Variants in MALSU1 observed in about 807,000 individuals in gnomAD.
MALSU1 encodes the protein mitochondrial assembly of ribosomal large subunit protein 1.
MALSU1 carries 22 observed loss-of-function variants against 22.1 expected under a neutral mutation model. That is an observed-to-expected ratio of 1.00 (90% CI 0.71 to 1.42). The LOEUF (loss-of-function observed/expected upper bound fraction) is 1.42, where lower values mean the gene tolerates loss of function less well. Among genes scored for constraint, MALSU1 ranks in the 40% most tolerant of loss-of-function variants. MALSU1 has a pLI of 0.00. For synonymous variants in MALSU1, 153 were observed against 118.5 expected, an observed-to-expected ratio of 1.29 and a Z score of -1.89; for missense variants, 379 against 308.3, an observed-to-expected ratio of 1.23 and a Z score of -1.72.
intron 2 of MALSU1, 193 bp downstream of exon 2, chr7:23,301,210 T>C (rs1783640451): frequency 7.5e-6 from 4 of 534,586 alleles, no homozygotes; most frequent in Non-Finnish European, 1.3e-5. Flanking sequence ...TCCAGCCCTA[T>C]TGAGTTAGGA....
Position 23,310,023 on chromosome 7 carries a change from A to G in MALSU1, c.*480A>G, listed in dbSNP as rs1320982505. ...ACTCCAGTAACACAAGAAAGTAAAC[A>G]AAGTGTTTGTTAGGAAAAACTCTGA... On this transcript the variant is annotated 3_prime_UTR_variant, in exon 4 of 4. Coordinates refer to ENST00000466681, the MANE Select transcript of MALSU1 (RefSeq NM_138446.2). 1 of 147,690 alleles carries G rather than the reference A, an allele frequency of 6.8e-6. No homozygotes were observed. Among genetic ancestry groups the G allele is most frequent in the Non-Finnish European group, 1.5e-5 (1 of 68,002 alleles). 9.1% of individuals were successfully genotyped at this position (147,690 alleles called of 1,614,324 possible).
In MALSU1 at chr7:23,310,789, ATTT is replaced by A. The variant is rs150344233; in HGVS notation, c.*1254_*1256del. 6.6e-6 allele frequency: 1 copy of A among 150,760 alleles called. No homozygotes were observed. The highest frequency in any genetic ancestry group is 1.9e-4 in the East Asian group (1 of 5,142). The allele number at this position is 150,760 out of a possible 1,614,324, so 9.3% of individuals were successfully genotyped here. A position where few individuals can be genotyped will look rare whatever the true frequency, so the allele number is the denominator to read the frequency against. On this transcript the variant is annotated 3_prime_UTR_variant, in exon 4 of 4. Coordinates refer to ENST00000466681, the MANE Select transcript of MALSU1 (RefSeq NM_138446.2). ...ATCTTGAAATAAGAATGAGGCAGTG[ATTT>A]TTTTTTTAAAGGGTTATATATATGT...
intron 3 of MALSU1, among the ~76,000 whole-genome samples, chr7:23,308,993 T>TACAA (rs984855522): frequency 2.0e-5 from 3 of 152,208 alleles, no homozygotes; most frequent in African/African-American, 4.8e-5. Context: ...ATATTCACGA[T>TACAA]ACAAACATTC....
At chr7:23,308,197 GGTGT>G (rs1287986974) in intron 3 of MALSU1, among the ~76,000 whole-genome samples, 1 of 152,154 alleles carries the variant, frequency 6.6e-6, no homozygotes, top group Non-Finnish European at 1.5e-5. Flanking sequence ...TATACTACAT[GGTGT>G]GTATCTACTA....
In MALSU1 at chr7:23,299,507, G is replaced by T; in HGVS notation, c.155G>T (p.Cys52Phe). The T allele has an allele frequency of 6.2e-7, 1 of 1,612,424 alleles. No homozygotes were observed. Among genetic ancestry groups the T allele is most frequent in the Middle Eastern group, 1.7e-4 (1 of 6,060 alleles). The change falls in exon 1 of 4, where the codon TGC becomes TTC. Residue 52 changes from cysteine to phenylalanine, a missense_variant. Coordinates refer to ENST00000466681, the MANE Select transcript of MALSU1 (RefSeq NM_138446.2). ...GTAGGAGCAGCGTTCTGCCGGGCTT[G>T]CCAGACCCCAAACTTTGTCCGCGGC... ...LPVGAAFCRACQTPNFVRGLH... is the reference protein window; with the variant it reads ...LPVGAAFCRAFQTPNFVRGLH...
intron 1 of MALSU1, among the ~76,000 whole-genome samples, chr7:23,300,544 TTAAGTA>T (rs1389877173): frequency 6.6e-6 from 1 of 152,198 alleles, no homozygotes; most frequent in African/African-American, 2.4e-5. Flanking sequence ...ATTGCTCCTT[TTAAGTA>T]TTAGTAGAAA....
chr7:23,308,001 T>G, intron 3 of MALSU1, 52 bp downstream of exon 3: 2 of 1,283,590 alleles, frequency 1.6e-6, no homozygotes, highest in Admixed American at 1.7e-5. Flanking sequence ...ACGCTAATCT[T>G]GAATTGTTTT....
At chr7:23,301,842 G>T (rs1342130217) in intron 2 of MALSU1, among the ~76,000 whole-genome samples, 1 of 151,966 alleles carries the variant, frequency 6.6e-6, no homozygotes, top group Non-Finnish European at 1.5e-5. Context: ...GGTGGCGTGT[G>T]CCTGTAATTC....
chr7:23,299,827 C>T (rs1783617816), intron 1 of MALSU1, among the ~76,000 whole-genome samples: 1 of 152,146 alleles, frequency 6.6e-6, no homozygotes, highest in South Asian at 2.1e-4. Context: ...GAATCCCAGC[C>T]TCCCGGACGG....
intron 2 of MALSU1, chr7:23,301,248 G>A (rs947555494): frequency 8.0e-6 from 3 of 375,972 alleles, no homozygotes; most frequent in Non-Finnish European, 1.4e-5. Context: ...TCTTGTGACC[G>A]CAAGGAAGAT....
intron 2 of MALSU1, among the ~76,000 whole-genome samples, chr7:23,301,423 G>C (rs528423756): frequency 6.6e-6 from 1 of 152,246 alleles, no homozygotes; most frequent in African/African-American, 2.4e-5. Context: ...ACCAGGCCCA[G>C]ATAATTTTGT....
rs1280703790 is a variant in MALSU1 at position 23,309,758 on chromosome 7, G to A, written c.*215G>A. On this transcript the variant is annotated 3_prime_UTR_variant, in exon 4 of 4. Coordinates refer to ENST00000466681, the MANE Select transcript of MALSU1 (RefSeq NM_138446.2). Reference sequence around the variant, plus strand: ...ACATTCTACCCAAAACTTATGACACGCTGCCTTTATCCTGGAAATGTCATC... The same window carrying A: ...ACATTCTACCCAAAACTTATGACACACTGCCTTTATCCTGGAAATGTCATC... The A allele has an allele frequency of 6.2e-6, 2 of 323,714 alleles. No individual in the cohort carries two copies. The highest frequency in any genetic ancestry group is 2.1e-5 in the African/African-American group (1 of 46,770). 20.1% of individuals were successfully genotyped at this position (323,714 alleles called of 1,614,324 possible).
At chr7:23,308,720 T>C (rs957788615) in intron 3 of MALSU1, among the ~76,000 whole-genome samples, 1 of 152,146 alleles carries the variant, frequency 6.6e-6, no homozygotes, top group East Asian at 1.9e-4. Context: ...GTGTCTAGGT[T>C]TTTTATAACT....
In MALSU1 at chr7:23,299,340, C is replaced by A. The variant is rs765961874; in HGVS notation, c.-13C>A. On this transcript the variant is annotated 5_prime_UTR_variant, in exon 1 of 4. Coordinates refer to ENST00000466681, the MANE Select transcript of MALSU1 (RefSeq NM_138446.2). ...GTACCACCCACCCGCGACGCCGACG[C>A]AAGGCTGCTGCTATGGGGCCGGGCG... 5.0e-5 allele frequency: 77 copies of A among 1,546,618 alleles called. No homozygotes were observed. The highest frequency in any genetic ancestry group is 6.4e-5 in the Non-Finnish European group (74 of 1,153,184).
In MALSU1 at chr7:23,300,998, C is replaced by G; in HGVS notation, c.416C>G (p.Ala139Gly). The G allele has an allele frequency of 6.2e-7, 1 of 1,613,120 alleles. No individual in the cohort carries two copies. Among genetic ancestry groups the G allele is most frequent in the Non-Finnish European group, 8.5e-7 (1 of 1,179,520 alleles). Residue 139 changes from alanine (A) to glycine (G), a missense_variant, in exon 2 of 4, where the codon GCC becomes GGC. Ala to Gly is a moderately conservative substitution (Grantham distance 60). Transcript: ENST00000466681. Reference sequence around the variant, plus strand: ...TCTACCCGACACTTACATGCCATGGCCTTCTACGTTGTGAAAATGGTAGGA... The same window carrying G: ...TCTACCCGACACTTACATGCCATGGGCTTCTACGTTGTGAAAATGGTAGGA... ...GTSTRHLHAMAFYVVKMYKHL... is the reference protein window; with the variant it reads ...GTSTRHLHAMGFYVVKMYKHL...
intron 2 of MALSU1, 160 bp from the exon 3 acceptor site, chr7:23,307,708 T>G (rs1783739105): frequency 1.8e-6 from 1 of 563,580 alleles, no homozygotes; most frequent in Non-Finnish European, 3.2e-6. Flanking sequence ...GAGGGAGAAA[T>G]AGTTTCCCTA....
rs1422660723 is a variant in MALSU1, at chr7:23,310,190, A to AACAT, written c.*650_*653dup. 6.6e-6 allele frequency: 1 copy of AACAT among 152,188 alleles called. No homozygotes were observed. Among genetic ancestry groups the AACAT allele is most frequent in the Non-Finnish European group, 1.5e-5 (1 of 68,038 alleles). The allele number at this position is 152,188 out of a possible 1,614,324, so 9.4% of individuals were successfully genotyped here. On this transcript the variant is annotated 3_prime_UTR_variant, in exon 4 of 4. Transcript: ENST00000466681. ...CCATTCAATTGAAAACCAAAAATAA[A>AACAT]ACATACTACACAACAAGCTGCACCT...
intron 3 of MALSU1, among the ~76,000 whole-genome samples, chr7:23,309,094 C>T (rs931900527): frequency 2.6e-5 from 4 of 152,166 alleles, no homozygotes; most frequent in Admixed American, 2.6e-4. Flanking sequence ...CGAAGAGAAT[C>T]CTGACACCAT....
chr7:23,307,119 T>C (rs1217351825), intron 2 of MALSU1, among the ~76,000 whole-genome samples: 1 of 152,230 alleles, frequency 6.6e-6, no homozygotes, highest in East Asian at 1.9e-4. Flanking sequence ...TTTTGCTATT[T>C]CGTCTAGGTT....
Sources: allele counts gnomAD v4.1 joint callset (sites outside exome capture counted in the v4.1 genomes callset), GRCh38; gene constraint gnomAD v4.1.1; transcripts MANE v1.5; gene names NCBI Gene and HGNC (gene_info 2026-07-23, HGNC 2026-07-21).